SULF1: variants seen among roughly 807,000 people sequenced by gnomAD.
SULF1 encodes the protein sulfatase 1.
A neutral mutation model predicts 110.5 loss-of-function variants in SULF1; 46 were observed. That is an observed-to-expected ratio of 0.42 (90% CI 0.33 to 0.53). The LOEUF (loss-of-function observed/expected upper bound fraction) is 0.53, where lower values mean the gene tolerates loss of function less well. Among genes scored for constraint, SULF1 ranks in the 20% least tolerant of loss-of-function variants. The pLI is 0.12. For synonymous variants in SULF1, 371 were observed against 387.1 expected (o/e 0.96, Z 0.49); for missense variants, 941 against 1,094.2 (o/e 0.86, Z 1.98).
chr8:69,467,314 A>T (rs906627475), intron 1 of SULF1, among the ~76,000 whole-genome samples: 5 of 152,230 alleles, frequency 3.3e-5, no homozygotes, highest in Admixed American at 3.3e-4. Context: ...AAACTGTTGC[A>T]TTTTACTGCT....
chr8:69,591,512 C>T (rs1165980398), intron 8 of SULF1, among the ~76,000 whole-genome samples: 3 of 151,144 alleles, frequency 2.0e-5, no homozygotes, highest in African/African-American at 2.4e-5. Context: ...TGCAGTGAGC[C>T]GAGATCGCAC....
chr8:69,537,997 T>G (rs1813544933), intron 3 of SULF1, among the ~76,000 whole-genome samples: 1 of 151,690 alleles, frequency 6.6e-6, no homozygotes, highest in Non-Finnish European at 1.5e-5. Flanking sequence ...GTCTCGCTCT[T>G]TCACCCAGGC....
In SULF1 at chr8:69,569,217, A is replaced by G. The variant is rs565686445; in HGVS notation, c.172+5070A>G. Reference sequence around the variant, plus strand: ...CTTAGATCATATGTATAGGGAAGCTATGAGTACATGGAGATATTTTGTTTC... The same window carrying G: ...CTTAGATCATATGTATAGGGAAGCTGTGAGTACATGGAGATATTTTGTTTC... On this transcript the variant is annotated intron_variant, in intron 5 of 22. Transcript: ENST00000402687. Among the ~76,000 whole-genome samples, 11 of 152,346 alleles carry G rather than the reference A, an allele frequency of 7.2e-5. No homozygotes were observed. In the South Asian group the frequency reaches 2.1e-3, roughly 29 times the overall value.
intron 19 of SULF1, among the ~76,000 whole-genome samples, chr8:69,630,962 T>TCC (rs571232167): frequency 2.0e-5 from 3 of 150,970 alleles, no homozygotes; most frequent in African/African-American, 7.3e-5. Context: ...ATGCTATCCC[T>TCC]CCCCCCTGCC....
intron 3 of SULF1, among the ~76,000 whole-genome samples, chr8:69,544,828 A>AAGAAAATAT (rs1422531639): frequency 6.6e-6 from 1 of 152,178 alleles, no homozygotes; most frequent in East Asian, 1.9e-4. Flanking sequence ...ACATTTAGGT[A>AAGAAAATAT]AGAAAATATA....
intron 15 of SULF1, among the ~76,000 whole-genome samples, chr8:69,625,750 A>G (rs1325678005): frequency 6.6e-6 from 1 of 152,212 alleles, no homozygotes; most frequent in Non-Finnish European, 1.5e-5. Context: ...TTTATTGCAA[A>G]GAGCGAAAGA....
At chr8:69,546,099 A>G (rs1814244141) in intron 3 of SULF1, among the ~76,000 whole-genome samples, 1 of 152,240 alleles carries the variant, frequency 6.6e-6, no homozygotes, top group Non-Finnish European at 1.5e-5. Flanking sequence ...ACTAAGAAAT[A>G]TCACCTATAG....
intron 22 of SULF1, among the ~76,000 whole-genome samples, chr8:69,651,387 G>T (rs1370259922): frequency 6.6e-6 from 1 of 152,106 alleles, no homozygotes; most frequent in Non-Finnish European, 1.5e-5. Flanking sequence ...GATATGTAGA[G>T]ATATGTCTAA....
At chr8:69,653,079 A>AT (rs113023999) in intron 22 of SULF1, among the ~76,000 whole-genome samples, 429 of 149,474 alleles carry the variant, frequency 2.9e-3, no homozygotes, top group African/African-American at 9.5e-3. Context: ...TCTTGTTTTT[A>AT]TTTTTTTTTT....
intron 1 of SULF1, among the ~76,000 whole-genome samples, chr8:69,483,183 G>A (rs561927328): frequency 6.6e-6 from 1 of 152,240 alleles, no homozygotes; most frequent in East Asian, 1.9e-4. Flanking sequence ...GGAGACCAAG[G>A]GAACGAGGGA....
At chr8:69,613,880 G>A (rs2130492098) in intron 13 of SULF1, among the ~76,000 whole-genome samples, 1 of 152,060 alleles carries the variant, frequency 6.6e-6, no homozygotes. Context: ...GCCAGGAGGA[G>A]CAAGTATTAT....
intron 6 of SULF1, among the ~76,000 whole-genome samples, chr8:69,577,033 T>C (rs953701947): frequency 2.6e-4 from 39 of 152,248 alleles, no homozygotes; most frequent in African/African-American, 9.2e-4. Flanking sequence ...ATATGGCCAT[T>C]TGCTTCTTTG....
rs536073966 is a variant in SULF1 at position 69,649,972 on chromosome 8, C to CTTTTTTTTTTTTTTTTTTTTTTT, written c.2586-8518_2586-8496dup. Among the ~76,000 whole-genome samples the CTTTTTTTTTTTTTTTTTTTTTTT allele has an allele frequency of 6.5e-5, 2 of 30,588 alleles. 1 individual carries two copies. Among genetic ancestry groups the CTTTTTTTTTTTTTTTTTTTTTTT allele is most frequent in the Non-Finnish European group, 1.3e-4 (2 of 15,148 alleles). 20.1% of individuals were successfully genotyped at this position (30,588 alleles called of 152,430 possible). A position where few individuals can be genotyped will look rare whatever the true frequency, so the allele number is the denominator to read the frequency against. On this transcript the variant is annotated intron_variant, in intron 22 of 22. Transcript: ENST00000402687. ...CCCACTCTGTAATTCCTCCTGCTTG[C>CTTTTTTTTTTTTTTTTTTTTTTT]TTTTTTTTTTTTTTTTTTTTTTTTT...
At chr8:69,537,912 A>T (rs1015550608) in intron 3 of SULF1, among the ~76,000 whole-genome samples, 2 of 103,422 alleles carry the variant, frequency 1.9e-5, no homozygotes, top group African/African-American at 7.0e-5. Flanking sequence ...TAAAAATAGA[A>T]TAGAAAATTG....
intron 13 of SULF1, among the ~76,000 whole-genome samples, chr8:69,607,426 G>A (rs143627197): frequency 8.3e-4 from 126 of 152,286 alleles, no homozygotes; most frequent in African/African-American, 2.9e-3. Flanking sequence ...GTGCAGTGGC[G>A]TGATCATGGC....
In SULF1 at chr8:69,579,883, T is replaced by C. The variant is rs568984226; in HGVS notation, c.412+3674T>C. 4.6e-5 allele frequency among the ~76,000 whole-genome samples: 7 copies of C among 152,330 alleles called. No individual in the cohort carries two copies. The South Asian group carries it at 6.2e-4, about 14-fold the overall frequency. Reference sequence around the variant, plus strand: ...TGCTTTCCTAATAATGAATTTATTATTTGGAACATTTAGCTACAAACCTAA... The same window carrying C: ...TGCTTTCCTAATAATGAATTTATTACTTGGAACATTTAGCTACAAACCTAA... On this transcript the variant is annotated intron_variant, in intron 6 of 22. Coordinates refer to ENST00000402687, the MANE Select transcript of SULF1 (RefSeq NM_001128205.2).
At chr8:69,600,516 C>T in intron 8 of SULF1, 87 bp from the exon 9 acceptor site, 1 of 1,308,572 alleles carries the variant, frequency 7.6e-7, no homozygotes, top group East Asian at 2.4e-5. Flanking sequence ...ATTATCTCTC[C>T]TTAATGATTA....
chr8:69,537,022 G>A lies in SULF1; in HGVS notation c.-133-26517G>A, dbSNP rs558301435. Among the ~76,000 whole-genome samples, 15 of 152,310 alleles carry A rather than the reference G, an allele frequency of 9.8e-5. 1 individual carries two copies. In the South Asian group the frequency reaches 3.1e-3, roughly 32 times the overall value. On this transcript the variant is annotated intron_variant, in intron 3 of 22. Coordinates refer to ENST00000402687, the MANE Select transcript of SULF1 (RefSeq NM_001128205.2). The stretch of plus-strand genomic sequence containing the variant: ...ATGACTTCAGCTAAAATGGGGGAAT[G>A]AGTCCTACCTCCTCCGTTTTGTAGG...
At chr8:69,632,374 T>A (rs1810638829) in intron 19 of SULF1, among the ~76,000 whole-genome samples, 1 of 152,194 alleles carries the variant, frequency 6.6e-6, no homozygotes, top group African/African-American at 2.4e-5. Flanking sequence ...TACACAAGTA[T>A]ATATGTGTAT....
Sources: allele counts gnomAD v4.1 joint callset (sites outside exome capture counted in the v4.1 genomes callset), GRCh38; gene constraint gnomAD v4.1.1; transcripts MANE v1.5; gene names NCBI Gene and HGNC (gene_info 2026-07-23, HGNC 2026-07-21).